The following ADAMTS14 variants were observed in gnomAD, a reference collection of about 807,000 sequenced individuals.
The protein encoded by ADAMTS14 is ADAM metallopeptidase with thrombospondin type 1 motif 14.
ADAMTS14 carries 100 observed loss-of-function variants against 128.6 expected under a neutral mutation model. The observed-to-expected ratio is 0.78, with a 90% CI of 0.66 to 0.92. The LOEUF (loss-of-function observed/expected upper bound fraction) is 0.92, where lower values mean the gene tolerates loss of function less well. Among genes scored for constraint, ADAMTS14 ranks in the 40% least tolerant of loss-of-function variants. ADAMTS14 has a pLI of 0.00. For missense variants in ADAMTS14, 1,562 were observed against 1,658.6 expected, an observed-to-expected ratio of 0.94 and a Z score of 1.01; for synonymous variants, 665 against 653.8, an observed-to-expected ratio of 1.02 and a Z score of -0.26.
intron 13 of ADAMTS14, 53 bp from the exon 14 acceptor site, chr10:70,744,013 G>T (rs1328918365): frequency 3.2e-6 from 5 of 1,538,790 alleles, no homozygotes; most frequent in African/African-American, 1.4e-5. Context: ...GAGCCCCGGG[G>T]TGGCGGTGGG....
intron 1 of ADAMTS14, 53 bp downstream of exon 1, chr10:70,672,937 C>CAGGGTGGCCCA (rs1340853020): frequency 1.7e-5 from 23 of 1,390,156 alleles, no homozygotes; most frequent in Non-Finnish European, 2.0e-5. Context: ...TGCACGCGGT[C>CAGGGTGGCCCA]AGGGTGGCCC....
At chr10:70,730,837 G>A (rs1841613078) in intron 6 of ADAMTS14, among the ~76,000 whole-genome samples, 1 of 152,152 alleles carries the variant, frequency 6.6e-6, no homozygotes, top group Admixed American at 6.5e-5. Context: ...CTGCAAACAT[G>A]CAGCTTTGAT....
chr10:70,704,874 ACACT>A (rs1482225163), intron 3 of ADAMTS14, among the ~76,000 whole-genome samples: 2 of 152,060 alleles, frequency 1.3e-5, no homozygotes, highest in Admixed American at 6.5e-5. Context: ...CCGTACACCC[ACACT>A]CAAACACTGA....
At chr10:70,689,272 G>A (rs1489084886) in intron 2 of ADAMTS14, among the ~76,000 whole-genome samples, 4 of 145,058 alleles carry the variant, frequency 2.8e-5, no homozygotes, top group Admixed American at 6.8e-5. Context: ...GGCCTGACCC[G>A]AAGGATGCTT....
Position 70,744,195 on chromosome 10 carries a change from C to G in ADAMTS14, c.2182+6C>G. On this transcript the variant is annotated splice_donor_region_variant and intron_variant, in intron 14 of 21. Coordinates refer to ENST00000373207, the MANE Select transcript of ADAMTS14 (RefSeq NM_080722.4). ...CAAGGCCTCCAAGCAGGCAGGTGAG[C>G]CGGGCTGGGGCTGGGGGGATGACGA... The G allele has an allele frequency of 6.6e-7, 1 of 1,523,478 alleles. No individual in the cohort carries two copies. The allele number at this position is 1,523,478 out of a possible 1,614,324, so 94.4% of individuals were successfully genotyped here.
At chr10:70,753,434 C>T (rs1842402289) in intron 18 of ADAMTS14, among the ~76,000 whole-genome samples, 1 of 152,158 alleles carries the variant, frequency 6.6e-6, no homozygotes, top group East Asian at 1.9e-4. Flanking sequence ...TTCTCAGCAC[C>T]CAGGACAGTG....
rs192162119 is a variant in ADAMTS14 at position 70,672,831 on chromosome 10, A to T, written c.29A>T (p.Tyr10Phe). Residue 10 changes from tyrosine to phenylalanine, a missense_variant, in exon 1 of 22, where the codon TAC becomes TTC. By Grantham distance (22) the Tyr-to-Phe change is conservative (BLOSUM62 3). Transcript: ENST00000373207. ...GCTCCACTCCGCGCGCTGCTGTCCTACCTGCTGCCTTTGCACTGTGCGCTC... is the reference window on the plus strand; with the variant it reads ...GCTCCACTCCGCGCGCTGCTGTCCTTCCTGCTGCCTTTGCACTGTGCGCTC... MAPLRALLS[Y>F]LLPLHCALCA... The T allele has an allele frequency of 2.7e-4, 404 of 1,517,332 alleles. 5 individuals carry two copies. The East Asian group carries it at 0.011, about 40-fold the overall frequency. 94.0% of individuals were successfully genotyped at this position (1,517,332 alleles called of 1,614,324 possible).
intron 4 of ADAMTS14, 41 bp from the exon 5 acceptor site, chr10:70,729,253 A>T: frequency 6.4e-7 from 1 of 1,563,924 alleles, no homozygotes; most frequent in Non-Finnish European, 8.8e-7. Context: ...TAGGCTTGTA[A>T]TGAATGTTTC....
At chr10:70,718,393 T>C (rs1488437034) in intron 4 of ADAMTS14, among the ~76,000 whole-genome samples, 1 of 151,958 alleles carries the variant, frequency 6.6e-6, no homozygotes, top group Non-Finnish European at 1.5e-5. Context: ...TATTTAAAAG[T>C]TATTTTATTT....
Position 70,752,141 on chromosome 10 carries a change from C to T in ADAMTS14, c.2643C>T (p.His881=). The T allele has an allele frequency of 6.2e-7, 1 of 1,613,414 alleles. No individual in the cohort carries two copies. The highest frequency in any genetic ancestry group is 1.1e-5 in the South Asian group (1 of 91,090). ...GCTGCCGGCGCAGACGAGACCACCA[C>T]ATGGTGCAGCGACACCTGTGTGACC... ...KYGCRRRRDH[H]MVQRHLCDHK... Residue 881 remains histidine, a synonymous_variant, in exon 18 of 22, where the codon CAC becomes CAT. Transcript: ENST00000373207.
intron 3 of ADAMTS14, among the ~76,000 whole-genome samples, chr10:70,705,158 G>A (rs892172196): frequency 1.3e-5 from 2 of 152,200 alleles, no homozygotes; most frequent in East Asian, 1.9e-4. Flanking sequence ...AAATTGAACC[G>A]TTCAGAGTCC....
At chr10:70,742,127 A>C (rs1842018779) in intron 12 of ADAMTS14, among the ~76,000 whole-genome samples, 1 of 152,148 alleles carries the variant, frequency 6.6e-6, no homozygotes, top group African/African-American at 2.4e-5. Flanking sequence ...ATTCTTCCAG[A>C]GCATCCTTGC....
At chr10:70,695,606 C>T (rs1024832979) in intron 2 of ADAMTS14, among the ~76,000 whole-genome samples, 1 of 152,182 alleles carries the variant, frequency 6.6e-6, no homozygotes, top group Non-Finnish European at 1.5e-5. Flanking sequence ...GAGCCTGTCC[C>T]TCCTCCTTGA....
chr10:70,680,469 C>T (rs540538677), intron 2 of ADAMTS14, among the ~76,000 whole-genome samples: 1 of 152,236 alleles, frequency 6.6e-6, no homozygotes, highest in East Asian at 1.9e-4. Flanking sequence ...TATGGAAGGG[C>T]CCCACGAAAG....
chr10:70,732,783 A>C (rs1341122502), intron 7 of ADAMTS14, among the ~76,000 whole-genome samples: 1 of 152,184 alleles, frequency 6.6e-6, no homozygotes, highest in African/African-American at 2.4e-5. Flanking sequence ...CTCAGCACTC[A>C]TTGGAGTGCT....
chr10:70,722,734 G>A (rs1841310427), intron 4 of ADAMTS14, among the ~76,000 whole-genome samples: 2 of 152,254 alleles, frequency 1.3e-5, no homozygotes, highest in South Asian at 4.1e-4. Flanking sequence ...CCAAAGCTGT[G>A]ACAATTTGAG....
intron 15 of ADAMTS14, among the ~76,000 whole-genome samples, chr10:70,745,693 C>T (rs1015893149): frequency 2.0e-5 from 3 of 152,202 alleles, no homozygotes; most frequent in African/African-American, 7.2e-5. Flanking sequence ...TTAGTGGCTT[C>T]AAACAAGAAT....
chr10:70,672,892 C>A lies in ADAMTS14; in HGVS notation c.82+8C>A. On this transcript the variant is annotated splice_region_variant and intron_variant, in intron 1 of 21. Coordinates refer to ENST00000373207, the MANE Select transcript of ADAMTS14 (RefSeq NM_080722.4). ...CGGGCAGCCGGACCCCAGGTGCGTG[C>A]GGGTTGGGCGCGCGGGGGCCCGTGG... 2.7e-6 allele frequency: 4 copies of A among 1,464,792 alleles called. No homozygotes were observed. The highest frequency in any genetic ancestry group is 1.4e-5 in the South Asian group (1 of 73,772). The allele number at this position is 1,464,792 out of a possible 1,614,324, so 90.7% of individuals were successfully genotyped here.
At chr10:70,740,404 G>A (rs564803292) in intron 11 of ADAMTS14, among the ~76,000 whole-genome samples, 1 of 152,302 alleles carries the variant, frequency 6.6e-6, no homozygotes, top group South Asian at 2.1e-4. Context: ...CACACCAGGA[G>A]GTGAGTAAAA....
Sources: allele counts gnomAD v4.1 joint callset (sites outside exome capture counted in the v4.1 genomes callset), GRCh38; gene constraint gnomAD v4.1.1; transcripts MANE v1.5; gene names NCBI Gene and HGNC (gene_info 2026-07-23, HGNC 2026-07-21).